DLGAP3: variants seen among roughly 807,000 people sequenced by gnomAD.
DLGAP3 encodes the protein disks large-associated protein 3.
A neutral mutation model predicts 81.2 loss-of-function variants in DLGAP3; 17 were observed. The ratio of observed to expected loss-of-function variants is 0.21; its 90% CI spans 0.14 to 0.31. DLGAP3 has a LOEUF of 0.31. Among genes scored for constraint, DLGAP3 ranks in the 10% least tolerant of loss-of-function variants. DLGAP3 has a pLI of 1.00. For synonymous variants in DLGAP3, 577 were observed against 587.4 expected (o/e 0.98, Z 0.26); for missense variants, 1,124 against 1,388.0 (o/e 0.81, Z 3.02).
intron 5 of DLGAP3, among the ~76,000 whole-genome samples, chr1:34,888,110 G>C (rs1639261913): frequency 2.0e-5 from 3 of 152,168 alleles, no homozygotes; most frequent in African/African-American, 4.8e-5. Context: ...AGTATCACAT[G>C]GCTGCATCTT....
chr1:34,880,663 C>A (rs1639131435), intron 8 of DLGAP3, among the ~76,000 whole-genome samples: 1 of 151,418 alleles, frequency 6.6e-6, no homozygotes, highest in Non-Finnish European at 1.5e-5. Flanking sequence ...CACACCACTG[C>A]ACTCCAGAGT....
At chr1:34,909,641 G>A (rs1343269320) in intron 1 of DLGAP3, among the ~76,000 whole-genome samples, 1 of 152,008 alleles carries the variant, frequency 6.6e-6, no homozygotes, top group African/African-American at 2.4e-5. Context: ...TCCAATTTAT[G>A]GATTTTCTAA....
chr1:34,880,254 A>C (rs1639125600), intron 8 of DLGAP3, among the ~76,000 whole-genome samples: 2 of 152,120 alleles, frequency 1.3e-5, no homozygotes, highest in Non-Finnish European at 2.9e-5. Flanking sequence ...AGGTCTCACT[A>C]CGTTGCCCAG....
At chr1:34,896,992 A>C (rs1639388733) in intron 5 of DLGAP3, among the ~76,000 whole-genome samples, 1 of 152,192 alleles carries the variant, frequency 6.6e-6, no homozygotes, top group Non-Finnish European at 1.5e-5. Context: ...CTCTCAAGCA[A>C]TTATCAGAAT....
intron 1 of DLGAP3, among the ~76,000 whole-genome samples, chr1:34,915,471 C>A (rs940826006): frequency 1.3e-5 from 2 of 152,192 alleles, no homozygotes; most frequent in African/African-American, 4.8e-5. Context: ...ATACCAATGA[C>A]CTTTCTTACT....
chr1:34,880,070 G>A (rs1484564150), intron 8 of DLGAP3, among the ~76,000 whole-genome samples: 1 of 150,548 alleles, frequency 6.6e-6, no homozygotes, highest in Non-Finnish European at 1.5e-5. Flanking sequence ...TTCTTTCTTT[G>A]ACACAAGGTC....
intron 1 of DLGAP3, among the ~76,000 whole-genome samples, chr1:34,915,041 G>A (rs1639695249): frequency 6.6e-6 from 1 of 152,186 alleles, no homozygotes; most frequent in Non-Finnish European, 1.5e-5. Context: ...GGTCTCTCTT[G>A]TAACTCCAGG....
chr1:34,892,340 A>G (rs1639322201), intron 5 of DLGAP3, among the ~76,000 whole-genome samples: 1 of 152,192 alleles, frequency 6.6e-6, no homozygotes, highest in African/African-American at 2.4e-5. Context: ...AAATGAACAC[A>G]GCCTCAGAGG....
intron 8 of DLGAP3, among the ~76,000 whole-genome samples, chr1:34,882,613 T>C (rs1639163042): frequency 6.6e-6 from 1 of 152,220 alleles, no homozygotes; most frequent in Non-Finnish European, 1.5e-5. Context: ...CACAATCACC[T>C]TTCTTCTGGA....
intron 1 of DLGAP3, among the ~76,000 whole-genome samples, chr1:34,909,647 T>G (rs1452777262): frequency 6.6e-6 from 1 of 152,214 alleles, no homozygotes; most frequent in East Asian, 1.9e-4. Flanking sequence ...TTATGGATTT[T>G]CTAAAGAAAA....
chr1:34,905,096 C>A lies in DLGAP3; in HGVS notation c.288G>T (p.Gln96His). The A allele has an allele frequency of 6.3e-7, 1 of 1,589,276 alleles. No individual in the cohort carries two copies. Among genetic ancestry groups the A allele is most frequent in the Non-Finnish European group, 8.6e-7 (1 of 1,167,600 alleles). ...AGTCTTCACAGGTGTCGAAGGGGCC[C>A]TGGCCAGGGTACATCCTGGGGAAGG... ...SSTFPRMYPG[Q>H]GPFDTCEDCV... The change falls in exon 3 of 12, where the codon CAG (glutamine) becomes CAT (histidine). Residue 96 changes from glutamine (Q) to histidine (H), a missense_variant. By Grantham distance (24) the Gln-to-His change is conservative. This residue lies in a region of DLGAP3 where 167 missense variants were observed against 172.1 expected (regional missense o/e 0.97). Transcript: ENST00000373347.
chr1:34,880,409 G>A (rs1451728500), intron 8 of DLGAP3, among the ~76,000 whole-genome samples: 1 of 152,150 alleles, frequency 6.6e-6, no homozygotes. Context: ...TCAAGAAAGA[G>A]AGGTAAGACA....
intron 5 of DLGAP3, among the ~76,000 whole-genome samples, chr1:34,888,153 T>C (rs1210342700): frequency 6.6e-6 from 1 of 152,216 alleles, no homozygotes; most frequent in Non-Finnish European, 1.5e-5. Context: ...CACGGCATTA[T>C]ATTTACGTGC....
intron 8 of DLGAP3, among the ~76,000 whole-genome samples, chr1:34,870,744 G>A (rs1420465129): frequency 6.6e-6 from 1 of 152,180 alleles, no homozygotes; most frequent in East Asian, 1.9e-4. Context: ...CCCTGGTCAA[G>A]GTTTGCATCA....
intron 1 of DLGAP3, among the ~76,000 whole-genome samples, chr1:34,911,817 C>A (rs1164769323): frequency 2.0e-5 from 3 of 152,192 alleles, no homozygotes; most frequent in African/African-American, 7.2e-5. Context: ...CTGCCCCAAG[C>A]AATTACCTTC....
At chr1:34,920,666 C>A (rs1247274373) in intron 1 of DLGAP3, among the ~76,000 whole-genome samples, 1 of 152,164 alleles carries the variant, frequency 6.6e-6, no homozygotes, top group East Asian at 1.9e-4. Flanking sequence ...GGTCTCCCTG[C>A]CTTGCATCTT....
At chr1:34,886,016 G>A (rs2148402183) in intron 6 of DLGAP3, 56 bp downstream of exon 6, 9 of 1,515,532 alleles carry the variant, frequency 5.9e-6, no homozygotes, top group Middle Eastern at 4.1e-4. Context: ...GCCAGAACCC[G>A]GACCCAGGGC....
chr1:34,919,238 G>A (rs1185069380), intron 1 of DLGAP3, among the ~76,000 whole-genome samples: 4 of 152,184 alleles, frequency 2.6e-5, no homozygotes, highest in African/African-American at 4.8e-5. Flanking sequence ...AGGTCCGGGG[G>A]AGGAAGTGTC....
At chr1:34,878,286 A>T (rs554604670) in intron 8 of DLGAP3, among the ~76,000 whole-genome samples, 1 of 152,350 alleles carries the variant, frequency 6.6e-6, no homozygotes, top group African/African-American at 2.4e-5. Flanking sequence ...AGCCTGGGTG[A>T]CAGAGCAAGA....
Sources: gnomAD v4.1 joint callset for allele counts (sites outside exome capture counted in the v4.1 genomes callset) on GRCh38, gnomAD v4.1.1 for gene constraint, gnomAD v4.1.1 regional missense constraint, MANE v1.5 for transcripts, NCBI Gene and HGNC (gene_info 2026-07-23, HGNC 2026-07-21) for gene names.